The following ARID5B variants were observed in gnomAD, a reference collection of about 807,000 sequenced individuals.
ARID5B encodes the protein AT-rich interactive domain-containing protein 5B.
In ARID5B, 13 loss-of-function variants were observed where a neutral mutation model predicts 97.2. The observed-to-expected ratio is 0.13, with a 90% CI of 0.09 to 0.21. The LOEUF is 0.21. Ranked by LOEUF, ARID5B falls within the 10% of genes least tolerant of loss-of-function variation. The pLI is 1.00. For missense variants in ARID5B, 1,210 were observed against 1,465.3 expected (o/e 0.83, Z 2.84); for synonymous variants, 556 against 570.3 (o/e 0.97, Z 0.36).
intron 3 of ARID5B, among the ~76,000 whole-genome samples, chr10:61,994,918 G>A (rs1838976234): frequency 6.6e-6 from 1 of 152,080 alleles, no homozygotes; most frequent in Admixed American, 6.5e-5. Flanking sequence ...CCCTTTGAAT[G>A]TTTCATTTTA....
At chr10:62,072,432 G>C (rs1053641577) in intron 8 of ARID5B, among the ~76,000 whole-genome samples, 3 of 152,206 alleles carry the variant, frequency 2.0e-5, no homozygotes, top group Non-Finnish European at 4.4e-5. Context: ...CTGACAAAAG[G>C]GATGTGTAAT....
chr10:61,902,673 A>ATGTGTG (rs59459790), intron 2 of ARID5B, among the ~76,000 whole-genome samples: 66 of 148,442 alleles, frequency 4.4e-4, no homozygotes, highest in East Asian at 1.6e-3. Flanking sequence ...TTGTTCAAGG[A>ATGTGTG]TGTGTGTGTG....
At chr10:62,008,794 A>T (rs1839179699) in intron 4 of ARID5B, among the ~76,000 whole-genome samples, 1 of 152,214 alleles carries the variant, frequency 6.6e-6, no homozygotes, top group South Asian at 2.1e-4. Flanking sequence ...AAGGGGGCAG[A>T]TAGTGAACTG....
At chr10:62,010,877 G>A (rs908328627) in intron 4 of ARID5B, among the ~76,000 whole-genome samples, 1 of 152,206 alleles carries the variant, frequency 6.6e-6, no homozygotes, top group Admixed American at 6.5e-5. Context: ...AACAGTGGCT[G>A]GTTGCTTGAC....
At chr10:62,058,956 CT>C (rs1839890081) in intron 6 of ARID5B, among the ~76,000 whole-genome samples, 2 of 152,180 alleles carry the variant, frequency 1.3e-5, no homozygotes, top group African/African-American at 4.8e-5. Context: ...AATTTAGCTT[CT>C]CTTGCTCTGC....
chr10:62,073,437 T>G (rs185831306), intron 8 of ARID5B, among the ~76,000 whole-genome samples: 1 of 152,350 alleles, frequency 6.6e-6, no homozygotes, highest in East Asian at 1.9e-4. Context: ...TGTGGGTTGT[T>G]GAAAAGAATC....
chr10:61,984,771 A>G (rs1461818746), intron 3 of ARID5B, among the ~76,000 whole-genome samples: 4 of 152,152 alleles, frequency 2.6e-5, no homozygotes, highest in South Asian at 2.1e-4. Context: ...CGTATTTCAG[A>G]CACAGCACCT....
intron 2 of ARID5B, among the ~76,000 whole-genome samples, chr10:61,933,183 T>C (rs1229548585): frequency 6.6e-6 from 1 of 152,242 alleles, no homozygotes; most frequent in Non-Finnish European, 1.5e-5. Context: ...GTAGCTCCTC[T>C]TCATCTGTTC....
chr10:61,978,534 G>C (rs538812848), intron 3 of ARID5B, among the ~76,000 whole-genome samples: 1 of 152,018 alleles, frequency 6.6e-6, no homozygotes, highest in Non-Finnish European at 1.5e-5. Context: ...CTTTTATTTC[G>C]TTGAGCAGTG....
intron 3 of ARID5B, among the ~76,000 whole-genome samples, chr10:61,979,108 C>A (rs1031768149): frequency 1.3e-5 from 2 of 152,002 alleles, no homozygotes; most frequent in African/African-American, 2.4e-5. Context: ...GAGAATTCCA[C>A]GGGAGACCCG....
Position 62,094,124 on chromosome 10 carries a change from A to G in ARID5B, c.*1094A>G, listed in dbSNP as rs1840430432. On this transcript the variant is annotated 3_prime_UTR_variant, in exon 10 of 10. Coordinates refer to ENST00000279873, the MANE Select transcript of ARID5B (RefSeq NM_032199.3). ...GCCGAATAACAACAGAGTCTAGAGGACATATTTGTGGGCTGCACAGATATT... is the reference window on the plus strand; with the variant it reads ...GCCGAATAACAACAGAGTCTAGAGGGCATATTTGTGGGCTGCACAGATATT... 4.3e-6 allele frequency: 1 copy of G among 233,346 alleles called. No homozygotes were observed. Among genetic ancestry groups the G allele is most frequent in the Non-Finnish European group, 8.5e-6 (1 of 117,976 alleles). 14.5% of individuals were successfully genotyped at this position (233,346 alleles called of 1,614,324 possible).
chr10:62,046,698 A>G (rs1432055641), intron 4 of ARID5B: 1 of 151,956 alleles, frequency 6.6e-6, no homozygotes, highest in Non-Finnish European at 1.5e-5. Context: ...TTTTTTTTAA[A>G]CCACAGAGAT....
At chr10:62,051,362 G>A (rs376978569) in intron 5 of ARID5B, among the ~76,000 whole-genome samples, 18 of 152,278 alleles carry the variant, frequency 1.2e-4, no homozygotes, top group South Asian at 2.1e-4. Flanking sequence ...CAGCTGAACC[G>A]TCCTCTTTCT....
At chr10:61,920,930 T>G (rs1564601994) in intron 2 of ARID5B, among the ~76,000 whole-genome samples, 1 of 152,188 alleles carries the variant, frequency 6.6e-6, no homozygotes, top group South Asian at 2.1e-4. Context: ...CATTGTTAGA[T>G]AGTATTCTTA....
At chr10:62,027,871 G>C (rs1018853820) in intron 4 of ARID5B, among the ~76,000 whole-genome samples, 1 of 152,120 alleles carries the variant, frequency 6.6e-6, no homozygotes, top group Admixed American at 6.5e-5. Context: ...CAGCACCCTT[G>C]TGATGTTTCT....
chr10:62,015,600 C>T (rs147428234), intron 4 of ARID5B, among the ~76,000 whole-genome samples: 4 of 152,262 alleles, frequency 2.6e-5, no homozygotes, highest in Non-Finnish European at 5.9e-5. Flanking sequence ...TTTTCCACCT[C>T]TGAACGGTGT....
At chr10:61,922,312 G>T (rs180885351) in intron 2 of ARID5B, among the ~76,000 whole-genome samples, 1 of 151,804 alleles carries the variant, frequency 6.6e-6, no homozygotes, top group African/African-American at 2.4e-5. Context: ...AAGAAAATAG[G>T]CATGTTTGGG....
chr10:62,088,164 G>A (rs541584126), intron 9 of ARID5B, among the ~76,000 whole-genome samples: 1 of 152,070 alleles, frequency 6.6e-6, no homozygotes. Context: ...ACCGTCCCTG[G>A]CCAGATGATG....
chr10:62,059,136 T>C, intron 6 of ARID5B, 107 bp from the exon 7 acceptor site: 1 of 880,222 alleles, frequency 1.1e-6, no homozygotes, highest in South Asian at 1.8e-5. Context: ...GGTACTTTAG[T>C]ATTTCTTTTT....
Sources: allele counts gnomAD v4.1 joint callset (sites outside exome capture counted in the v4.1 genomes callset), GRCh38; gene constraint gnomAD v4.1.1; transcripts MANE v1.5; gene names NCBI Gene and HGNC (gene_info 2026-07-23, HGNC 2026-07-21).